The following RBFOX1 variants were observed in gnomAD, a reference collection of about 807,000 sequenced individuals.
RBFOX1 encodes the protein RNA binding fox-1 homolog 1, also known as RNA binding protein fox-1 homolog 1.
A neutral mutation model predicts 57.7 loss-of-function variants in RBFOX1; 8 were observed. The ratio of observed to expected loss-of-function variants is 0.14; its 90% CI spans 0.08 to 0.25. RBFOX1 has a LOEUF of 0.25. Among genes scored for constraint, RBFOX1 ranks in the 10% least tolerant of loss-of-function variants. The probability of loss-of-function intolerance (pLI) is 1.00; values close to 1 mark genes in which losing one functional copy is unlikely to be tolerated. For synonymous variants in RBFOX1, 326 were observed against 222.4 expected, an observed-to-expected ratio of 1.47 and a Z score of -4.15; for missense variants, 611 against 548.5, an observed-to-expected ratio of 1.11 and a Z score of -1.14.
At position 5,898,195 on chromosome 16, in the gene RBFOX1, C is replaced by A. The variant is rs1158272628; in HGVS notation, c.351+30860C>A. Among the ~76,000 whole-genome samples, 3 of 152,134 alleles carry A rather than the reference C, an allele frequency of 2.0e-5. No individual in the cohort carries two copies. In the East Asian group the frequency reaches 5.8e-4, roughly 29 times the overall value. ...ATCAGATCTTGTGAGAACTCACTCA[C>A]TCTCATGAGAACAGCATGAGGGTAA... is the stretch of plus-strand genomic sequence containing the variant. On this transcript the variant is annotated intron_variant, in intron 4 of 19. Transcript: ENST00000641259.
At chr16:7,202,932 G>C (rs959768768) in intron 4 of RBFOX1, among the ~76,000 whole-genome samples, 1 of 152,096 alleles carries the variant, frequency 6.6e-6, no homozygotes, top group African/African-American at 2.4e-5. Flanking sequence ...TGTCACCCTG[G>C]CTGGAGTGCC....
chr16:7,211,231 AAC>A (rs2091066639), intron 4 of RBFOX1, among the ~76,000 whole-genome samples: 3 of 151,798 alleles, frequency 2.0e-5, no homozygotes, highest in Admixed American at 6.6e-5. Context: ...CTCTACTAAA[AAC>A]ACAAAGAAAT....
At chr16:6,258,054 A>C (rs1489260844) in intron 1 of RBFOX1, among the ~76,000 whole-genome samples, 1 of 152,272 alleles carries the variant, frequency 6.6e-6, no homozygotes, top group South Asian at 2.1e-4. Flanking sequence ...GTGTGTAAGC[A>C]TTCCCTTTGT....
intron 4 of RBFOX1, among the ~76,000 whole-genome samples, chr16:7,164,744 G>T (rs1470090049): frequency 6.6e-6 from 1 of 152,214 alleles, no homozygotes; most frequent in South Asian, 2.1e-4. Context: ...CTGTTGTTAA[G>T]GTGGTATTAT....
In RBFOX1 at chr16:7,419,518, C is replaced by T. The variant is rs898722209; in HGVS notation, c.28-98629C>T. Among the ~76,000 whole-genome samples, 7 of 152,324 alleles carry T rather than the reference C, an allele frequency of 4.6e-5. No individual in the cohort carries two copies. The East Asian group carries it at 5.8e-4, about 13-fold the overall frequency. On this transcript the variant is annotated intron_variant, in intron 4 of 15. Coordinates refer to ENST00000550418, the MANE Select transcript of RBFOX1 (RefSeq NM_018723.4). ...GCCCACCACGGCTTTTGTTTTCCTG[C>T]GCATTTGAATAATACATCTGATTAC...
At chr16:5,503,945 C>G (rs2043289240) in intron 2 of RBFOX1, among the ~76,000 whole-genome samples, 1 of 152,290 alleles carries the variant, frequency 6.6e-6, no homozygotes, top group South Asian at 2.1e-4. Flanking sequence ...TATAAATAGC[C>G]TCCTTTCTTC....
intron 3 of RBFOX1, among the ~76,000 whole-genome samples, chr16:6,899,071 C>G (rs1349091734): frequency 7.3e-6 from 1 of 136,302 alleles, no homozygotes; most frequent in African/African-American, 3.1e-5. Flanking sequence ...ACATGTATTA[C>G]ACACATGTAC....
chr16:5,918,783 G>C (rs867525984), intron 4 of RBFOX1, among the ~76,000 whole-genome samples: 10 of 152,236 alleles, frequency 6.6e-5, no homozygotes, highest in Non-Finnish European at 1.0e-4. Context: ...CAAGGGAGGA[G>C]CGACTAAGGT....
At chr16:5,270,699 G>A in intron 1 of RBFOX1, 1 of 511,484 alleles carries the variant, frequency 2.0e-6, no homozygotes, top group South Asian at 1.8e-5. Flanking sequence ...CCTGAGATGT[G>A]CAGACAAATG....
In RBFOX1 at chr16:6,110,653, G is replaced by A. The variant is rs1297516568; in HGVS notation, c.-127+90661G>A. 4.6e-5 allele frequency among the ~76,000 whole-genome samples: 7 copies of A among 152,124 alleles called. No homozygotes were observed. The East Asian group carries it at 1.4e-3, about 29-fold the overall frequency. On this transcript the variant is annotated intron_variant, in intron 1 of 15. Coordinates refer to ENST00000550418, the MANE Select transcript of RBFOX1 (RefSeq NM_018723.4). ...GTGAAGGACACTCCACGAGTGGCAT[G>A]AAATAGGAACGGAGGAGTTGAATAT...
At chr16:5,421,980 G>C (rs1262599496) in intron 1 of RBFOX1, among the ~76,000 whole-genome samples, 1 of 152,196 alleles carries the variant, frequency 6.6e-6, no homozygotes, top group Non-Finnish European at 1.5e-5. Flanking sequence ...GGGAATAAGG[G>C]AGAAAGGGTG....
intron 1 of RBFOX1, among the ~76,000 whole-genome samples, chr16:5,278,565 A>C (rs1433669879): frequency 6.6e-6 from 1 of 152,030 alleles, no homozygotes; most frequent in Non-Finnish European, 1.5e-5. Flanking sequence ...TTGTCTTTTC[A>C]CTGTGTTGAT....
chr16:7,312,495 G>T (rs1184646225), intron 4 of RBFOX1, among the ~76,000 whole-genome samples: 1 of 152,184 alleles, frequency 6.6e-6, no homozygotes, highest in Non-Finnish European at 1.5e-5. Flanking sequence ...AAATTAACAT[G>T]ATTAATACAC....
At chr16:5,917,337 C>T (rs893351502) in intron 4 of RBFOX1, among the ~76,000 whole-genome samples, 1 of 152,246 alleles carries the variant, frequency 6.6e-6, no homozygotes, top group African/African-American at 2.4e-5. Context: ...CACCACCGGA[C>T]ATGCTGCTAA....
At chr16:6,746,050 G>A (rs1348304987) in intron 3 of RBFOX1, among the ~76,000 whole-genome samples, 1 of 152,096 alleles carries the variant, frequency 6.6e-6, no homozygotes, top group Non-Finnish European at 1.5e-5. Context: ...AATACTTAGA[G>A]GAACAAATCT....
chr16:6,768,975 C>T (rs1196893642), intron 3 of RBFOX1, among the ~76,000 whole-genome samples: 1 of 152,070 alleles, frequency 6.6e-6, no homozygotes, highest in African/African-American at 2.4e-5. Flanking sequence ...GATCTGCCTG[C>T]CTCGGGCTCC....
At chr16:5,286,353 C>G (rs1471524837) in intron 1 of RBFOX1, among the ~76,000 whole-genome samples, 1 of 152,012 alleles carries the variant, frequency 6.6e-6, no homozygotes, top group African/African-American at 2.4e-5. Context: ...CTCTAGTTCT[C>G]CAGGTGATGT....
At chr16:5,559,057 T>TG (rs1291971178) in intron 2 of RBFOX1, among the ~76,000 whole-genome samples, 3 of 148,718 alleles carry the variant, frequency 2.0e-5, no homozygotes, top group South Asian at 4.3e-4. Flanking sequence ...AGAGCTGGGC[T>TG]GGGGGGGTTT....
rs193016471 is a variant in RBFOX1 at position 5,413,115 on chromosome 16, T to C, written c.220-54101T>C. Reference sequence around the variant, plus strand: ...GTTTCCCATCACGATGCTTACGGTTTCTTTATTTCTGGTCCCTGAGCCTCA... The same window carrying C: ...GTTTCCCATCACGATGCTTACGGTTCCTTTATTTCTGGTCCCTGAGCCTCA... On this transcript the variant is annotated intron_variant, in intron 1 of 2. Transcript: ENST00000585867. 1.9e-4 allele frequency among the ~76,000 whole-genome samples: 29 copies of C among 152,240 alleles called. No individual in the cohort carries two copies. The East Asian group carries it at 5.0e-3, about 26-fold the overall frequency.
Sources: allele counts gnomAD v4.1 joint callset (sites outside exome capture counted in the v4.1 genomes callset), GRCh38; gene constraint gnomAD v4.1.1; transcripts MANE v1.5; gene names NCBI Gene and HGNC (gene_info 2026-07-23, HGNC 2026-07-21).